Variants in BRIP1 observed in about 807,000 individuals in gnomAD.
BRIP1 encodes BRCA1 interacting DNA helicase 1.
In BRIP1, 88 loss-of-function variants were observed where a neutral mutation model predicts 119.7. That is an observed-to-expected ratio of 0.74 (90% CI 0.62 to 0.88). The LOEUF is 0.88. BRIP1 is among the 40% of genes least tolerant of loss of function. The pLI, the probability that BRIP1 is intolerant of heterozygous loss-of-function variation, is 0.00. For missense variants in BRIP1, 1,259 were observed against 1,455.4 expected (o/e 0.87, Z 2.20); for synonymous variants, 443 against 496.5 (o/e 0.89, Z 1.43).
Position 61,838,593 on chromosome 17 carries a change from A to G in BRIP1, c.627+8508T>C, listed in dbSNP as rs561654758. Among the ~76,000 whole-genome samples the G allele has an allele frequency of 1.4e-3, 203 of 147,574 alleles. 1 individual carries two copies. Among genetic ancestry groups the G allele is most frequent in the Middle Eastern group, 3.5e-3 (1 of 282 alleles). On this transcript the variant is annotated intron_variant, in intron 6 of 19. Transcript: ENST00000259008. ...AATAAATAAATAAATAAATAAATAA[A>G]GCATCATTAAATCTAGTCTCCCATT... is the stretch of plus-strand genomic sequence containing the variant.
At position 61,688,459 on chromosome 17, in the gene BRIP1, C is replaced by T. The variant is rs537243209; in HGVS notation, c.2576-2294G>A. Among the ~76,000 whole-genome samples, 10 of 151,982 alleles carry T rather than the reference C, an allele frequency of 6.6e-5. No homozygotes were observed. In the East Asian group the frequency reaches 1.6e-3, roughly 24 times the overall value. ...TTGTACCACTGCACTCCAACATGGG[C>T]GACAGAGTGAGACCTTGACCAAAAC... On this transcript the variant is annotated intron_variant, in intron 18 of 19. Transcript: ENST00000259008.
intron 14 of BRIP1, among the ~76,000 whole-genome samples, chr17:61,771,418 T>C (rs531060965): frequency 6.6e-6 from 1 of 152,212 alleles, no homozygotes; most frequent in Non-Finnish European, 1.5e-5. Context: ...GGCATTTCTC[T>C]AAAGAAGATG....
chr17:61,728,508 A>AC (rs2076800526), intron 16 of BRIP1, among the ~76,000 whole-genome samples: 1 of 152,176 alleles, frequency 6.6e-6, no homozygotes, highest in Non-Finnish European at 1.5e-5. Flanking sequence ...CAGAAAAGAG[A>AC]AAGTTCAAAC....
Position 61,716,269 on chromosome 17 carries a change from CT to C in BRIP1, c.2380-207del, listed in dbSNP as rs994779332. 1.7e-4 allele frequency among the ~76,000 whole-genome samples: 26 copies of C among 152,140 alleles called. 2 individuals carry two copies. The highest frequency in any genetic ancestry group is 5.8e-4 in the African/African-American group (24 of 41,516). On this transcript the variant is annotated intron_variant, in intron 16 of 19. Transcript: ENST00000259008. The stretch of plus-strand genomic sequence containing the variant: ...TTACCTAATGCATATAACTAATCAG[CT>C]GTGTGATCTCAAGCAGTTTTATTGA...
In BRIP1 at chr17:61,702,025, A is replaced by G. The variant is rs555940376; in HGVS notation, c.2493-8513T>C. 2.0e-5 allele frequency among the ~76,000 whole-genome samples: 3 copies of G among 152,340 alleles called. No individual in the cohort carries two copies. In the East Asian group the frequency reaches 5.8e-4, roughly 29 times the overall value. Reference sequence around the variant, plus strand: ...CACAAAGCTTACTGTTCTTACTGCAATTCAGCTATTTTTAAGGAGTAAATT... The same window carrying G: ...CACAAAGCTTACTGTTCTTACTGCAGTTCAGCTATTTTTAAGGAGTAAATT... On this transcript the variant is annotated intron_variant, in intron 17 of 19. Transcript: ENST00000259008.
chr17:61,774,722 CTG>C lies in BRIP1; in HGVS notation c.2097+1677_2097+1678del, dbSNP rs564813809. Among the ~76,000 whole-genome samples the C allele has an allele frequency of 2.4e-3, 360 of 152,226 alleles. 1 individual carries two copies. Among genetic ancestry groups the C allele is most frequent in the Middle Eastern group, 0.017 (5 of 294 alleles). On this transcript the variant is annotated intron_variant, in intron 14 of 19. Coordinates refer to ENST00000259008, the MANE Select transcript of BRIP1 (RefSeq NM_032043.3). This position sits in a 1 kb window ranked among gnomAD's most constrained non-coding sequence, Gnocchi z 5.8. Reference sequence around the variant, plus strand: ...GAACAAAGTATATTCGAAGGATTTCCTGTGTCTTTATTTTTAATTGAAAAGCT... The same window carrying C: ...GAACAAAGTATATTCGAAGGATTTCCTGTCTTTATTTTTAATTGAAAAGCT...
In BRIP1 at chr17:61,794,103, A is replaced by G. The variant is rs2077863482; in HGVS notation, c.1341-374T>C. Among the ~76,000 whole-genome samples the G allele has an allele frequency of 6.6e-6, 1 of 152,196 alleles. No homozygotes were observed. The highest frequency in any genetic ancestry group is 2.4e-5 in the African/African-American group (1 of 41,456). On this transcript the variant is annotated intron_variant, in intron 9 of 19. Coordinates refer to ENST00000259008, the MANE Select transcript of BRIP1 (RefSeq NM_032043.3). This position sits in a 1 kb window ranked among gnomAD's most constrained non-coding sequence, Gnocchi z 4.3. ...CCTAATAAAGAAATTAAAGTGTTACATATTAACACAAAAAAGAGAATTACT... is the reference window on the plus strand; with the variant it reads ...CCTAATAAAGAAATTAAAGTGTTACGTATTAACACAAAAAAGAGAATTACT...
rs2078234674 is a variant in BRIP1 at position 61,816,240 on chromosome 17, G to A, written c.628-7483C>T. ...GGTAGGGGATCAGATACAGTGTCAGGTGAGAGTGTGTAATACAAATCCACA... is the reference window on the plus strand; with the variant it reads ...GGTAGGGGATCAGATACAGTGTCAGATGAGAGTGTGTAATACAAATCCACA... On this transcript the variant is annotated intron_variant, in intron 6 of 19. Transcript: ENST00000259008. This position sits in a 1 kb window ranked among gnomAD's most constrained non-coding sequence, Gnocchi z 5.0. 6.6e-6 allele frequency among the ~76,000 whole-genome samples: 1 copy of A among 152,188 alleles called. No homozygotes were observed. Among genetic ancestry groups the A allele is most frequent in the Non-Finnish European group, 1.5e-5 (1 of 68,028 alleles).
In BRIP1 at chr17:61,703,464, A is replaced by G. The variant is rs1312826409; in HGVS notation, c.2493-9952T>C. ...GTCTCCTTTTGAGAAATGTCTGTTC[A>G]TGTCCTTTGGCCACTTTTTAATGGG... On this transcript the variant is annotated intron_variant, in intron 17 of 19. Coordinates refer to ENST00000259008, the MANE Select transcript of BRIP1 (RefSeq NM_032043.3). This position sits in a 1 kb window ranked among gnomAD's most constrained non-coding sequence, Gnocchi z 5.0. Among the ~76,000 whole-genome samples the G allele has an allele frequency of 2.0e-5, 3 of 152,192 alleles. No homozygotes were observed. The highest frequency in any genetic ancestry group is 6.5e-5 in the Admixed American group (1 of 15,274).
intron 6 of BRIP1, among the ~76,000 whole-genome samples, chr17:61,836,544 T>C (rs2078577437): frequency 1.3e-5 from 2 of 152,210 alleles, no homozygotes; most frequent in Admixed American, 6.5e-5. Flanking sequence ...TCTACTTAAC[T>C]ATGGCCATTT....
rs2076975121 is a variant in BRIP1 at position 61,740,734 on chromosome 17, A to C, written c.2379+2279T>G. On this transcript the variant is annotated intron_variant, in intron 16 of 19. Coordinates refer to ENST00000259008, the MANE Select transcript of BRIP1 (RefSeq NM_032043.3). This position sits in a 1 kb window ranked among gnomAD's most constrained non-coding sequence, Gnocchi z 5.4. ...GTGGGCAACAGCATTATGTCTCAAA[A>C]GCCAATGTATATACCTTAACTTGAA... is the stretch of plus-strand genomic sequence containing the variant. 6.6e-6 allele frequency among the ~76,000 whole-genome samples: 1 copy of C among 152,228 alleles called. No individual in the cohort carries two copies. The highest frequency in any genetic ancestry group is 1.5e-5 in the Non-Finnish European group (1 of 68,048).
Position 61,686,513 on chromosome 17 carries a change from T to C in BRIP1, c.2576-348A>G, listed in dbSNP as rs2144122561. Among the ~76,000 whole-genome samples the C allele has an allele frequency of 6.6e-6, 1 of 152,194 alleles. No homozygotes were observed. The highest frequency in any genetic ancestry group is 1.9e-4 in the East Asian group (1 of 5,170). ...CCACAAAAATTGCCTTTTTTTTTTG[T>C]AGGGAAACTAGAAGTTGTAAACAAT... On this transcript the variant is annotated intron_variant, in intron 18 of 19. Coordinates refer to ENST00000259008, the MANE Select transcript of BRIP1 (RefSeq NM_032043.3). The surrounding 1 kb of genome is among the most constrained non-coding windows in gnomAD (Gnocchi z 5.4).
At chr17:61,711,003 T>C (rs1394382124) in intron 17 of BRIP1, among the ~76,000 whole-genome samples, 1 of 141,712 alleles carries the variant, frequency 7.1e-6, no homozygotes, top group Non-Finnish European at 1.5e-5. Context: ...ACTGCACCAC[T>C]GCACTGGGCG....
chr17:61,726,325 G>A lies in BRIP1; in HGVS notation c.2380-10262C>T, dbSNP rs1168663957. ...TGAAACAGTAAAGCATCAGATACTA[G>A]AGGTAAGTGGACGAGAAAGTCATTA... On this transcript the variant is annotated intron_variant, in intron 16 of 19. Transcript: ENST00000259008. This position sits in a 1 kb window ranked among gnomAD's most constrained non-coding sequence, Gnocchi z 6.2. Among the ~76,000 whole-genome samples, 1 of 152,184 alleles carries A rather than the reference G, an allele frequency of 6.6e-6. No individual in the cohort carries two copies. The highest frequency in any genetic ancestry group is 1.5e-5 in the Non-Finnish European group (1 of 68,036).
chr17:61,819,836 T>C (rs557953797), intron 6 of BRIP1, among the ~76,000 whole-genome samples: 2 of 152,182 alleles, frequency 1.3e-5, no homozygotes, highest in African/African-American at 2.4e-5. Flanking sequence ...AGGGTGAATA[T>C]AGTAAAAAAT....
chr17:61,840,873 A>C (rs1419444633), intron 6 of BRIP1, among the ~76,000 whole-genome samples: 1 of 151,376 alleles, frequency 6.6e-6, no homozygotes, highest in Non-Finnish European at 1.5e-5. Context: ...AAAAATAGAC[A>C]CATAGACCAA....
At chr17:61,817,005 T>C (rs1211820443) in intron 6 of BRIP1, among the ~76,000 whole-genome samples, 1 of 152,170 alleles carries the variant, frequency 6.6e-6, no homozygotes, top group African/African-American at 2.4e-5. Flanking sequence ...CCACAGATTA[T>C]TCATTAATTA....
rs2061250644 is a variant in BRIP1, at chr17:61,679,700, A to T, written c.*3596T>A. Reference sequence around the variant, plus strand: ...AGCAAGGGTGCACTCCAGATATATGATTCATCTACTAATTAATAATGAATA... The same window carrying T: ...AGCAAGGGTGCACTCCAGATATATGTTTCATCTACTAATTAATAATGAATA... On this transcript the variant is annotated 3_prime_UTR_variant, in exon 20 of 20. Coordinates refer to ENST00000259008, the MANE Select transcript of BRIP1 (RefSeq NM_032043.3). The surrounding 1 kb of genome is among the most constrained non-coding windows in gnomAD (Gnocchi z 4.4). 6.6e-6 allele frequency among the ~76,000 whole-genome samples: 1 copy of T among 152,218 alleles called. No individual in the cohort carries two copies. Among genetic ancestry groups the T allele is most frequent in the Non-Finnish European group, 1.5e-5 (1 of 68,034 alleles).
rs1006280743 is a variant in BRIP1 at position 61,682,600 on chromosome 17, GAA to G, written c.*694_*695del. Reference sequence around the variant, plus strand: ...CCTTTCAAGACAAATGGTGATCTCTGAAAAAGTCTTGGACTGATTTGAGGTAA... The same window carrying G: ...CCTTTCAAGACAAATGGTGATCTCTGAAAGTCTTGGACTGATTTGAGGTAA... On this transcript the variant is annotated 3_prime_UTR_variant, in exon 20 of 20. Transcript: ENST00000259008. The surrounding 1 kb of genome is among the most constrained non-coding windows in gnomAD (Gnocchi z 4.9). 1.5e-5 allele frequency: 3 copies of G among 196,578 alleles called. No homozygotes were observed. The highest frequency in any genetic ancestry group is 2.3e-5 in the African/African-American group (1 of 43,326). The allele number at this position is 196,578 out of a possible 1,614,324, so 12.2% of individuals were successfully genotyped here. A position where few individuals can be genotyped will look rare whatever the true frequency, so the allele number is the denominator to read the frequency against.
Sources: allele counts gnomAD v4.1 joint callset (sites outside exome capture counted in the v4.1 genomes callset), GRCh38; gene constraint gnomAD v4.1.1; non-coding constraint Gnocchi (gnomAD v3.1); transcripts MANE v1.5; gene names NCBI Gene and HGNC (gene_info 2026-07-23, HGNC 2026-07-21).